The following RFX3 variants were observed in gnomAD, a reference collection of about 807,000 sequenced individuals.
RFX3 encodes the protein regulatory factor X3.
In RFX3, 14 loss-of-function variants were observed where a neutral mutation model predicts 98.6. The observed-to-expected ratio is 0.14, with a 90% CI of 0.09 to 0.22. The LOEUF is 0.22. Among genes scored for constraint, RFX3 ranks in the 10% least tolerant of loss-of-function variants. The pLI is 1.00. For missense variants in RFX3, 639 were observed against 926.9 expected, an observed-to-expected ratio of 0.69 and a Z score of 4.03; for synonymous variants, 383 against 328.4, an observed-to-expected ratio of 1.17 and a Z score of -1.80.
intron 2 of RFX3, among the ~76,000 whole-genome samples, chr9:3,369,380 C>A (rs1257175433): frequency 6.6e-6 from 1 of 152,174 alleles, no homozygotes; most frequent in African/African-American, 2.4e-5. Context: ...AGGACTCCAT[C>A]CTCATAACCT....
chr9:3,276,378 G>T (rs969725889), intron 8 of RFX3, among the ~76,000 whole-genome samples: 2 of 152,048 alleles, frequency 1.3e-5, no homozygotes, highest in East Asian at 3.9e-4. Flanking sequence ...ATTAATGTAA[G>T]ACATTTTGGT....
chr9:3,288,115 T>C lies in RFX3; in HGVS notation c.851+16A>G, dbSNP rs1338828667. 1.2e-6 allele frequency: 2 copies of C among 1,611,876 alleles called. No individual in the cohort carries two copies. Among genetic ancestry groups the C allele is most frequent in the Admixed American group, 1.7e-5 (1 of 59,934 alleles). On this transcript the variant is annotated intron_variant, in intron 7 of 16. Transcript: ENST00000617270. ...ATACATAGCTTGGACACATCAATGA[T>C]AACTTCAGAGTCTACCTTTGTTTCT...
chr9:3,450,469 A>G lies in RFX3; in HGVS notation c.-8-54873T>C, dbSNP rs192956072. ...TTCAATACACAAATTTGAAATGTTT[A>G]GTGATACAAAAGAAAGTACTATTCT... On this transcript the variant is annotated intron_variant, in intron 1 of 16. Transcript: ENST00000617270. Among the ~76,000 whole-genome samples, 8 of 152,272 alleles carry G rather than the reference A, an allele frequency of 5.3e-5. No individual in the cohort carries two copies. The South Asian group carries it at 6.2e-4, about 12-fold the overall frequency.
chr9:3,450,382 C>CTT (rs199778413), intron 1 of RFX3, among the ~76,000 whole-genome samples: 3 of 151,756 alleles, frequency 2.0e-5, no homozygotes, highest in African/African-American at 7.3e-5. Context: ...GTTTTTCTCT[C>CTT]TTTTTTTTGC....
intron 2 of RFX3, among the ~76,000 whole-genome samples, chr9:3,378,660 G>C (rs751516431): frequency 6.7e-6 from 1 of 150,056 alleles, no homozygotes; most frequent in African/African-American, 2.5e-5. Context: ...GGGTTCAAGC[G>C]ATTCTCCTGC....
At chr9:3,395,668 T>A in intron 1 of RFX3, 72 bp from the exon 2 acceptor site, 1 of 1,529,184 alleles carries the variant, frequency 6.5e-7, no homozygotes. Flanking sequence ...ACAATTGTTC[T>A]TAAAATCCTA....
At chr9:3,500,718 C>G (rs1238286772) in intron 1 of RFX3, among the ~76,000 whole-genome samples, 1 of 152,086 alleles carries the variant, frequency 6.6e-6, no homozygotes, top group East Asian at 1.9e-4. Flanking sequence ...AACACACGCA[C>G]TACACATACA....
chr9:3,482,843 C>T (rs928387407), intron 1 of RFX3, among the ~76,000 whole-genome samples: 3 of 151,838 alleles, frequency 2.0e-5, no homozygotes, highest in Non-Finnish European at 4.4e-5. Context: ...GCCTAGAGAC[C>T]TTGATTCTGT....
chr9:3,437,601 G>A (rs1412566015), intron 1 of RFX3, among the ~76,000 whole-genome samples: 1 of 152,048 alleles, frequency 6.6e-6, no homozygotes, highest in African/African-American at 2.4e-5. Context: ...CTAGGCCAGG[G>A]TTCATAAAGC....
intron 1 of RFX3, among the ~76,000 whole-genome samples, chr9:3,507,943 G>A (rs1347498430): frequency 4.0e-5 from 6 of 151,770 alleles, no homozygotes; most frequent in African/African-American, 1.5e-4. Context: ...GTTTGAAAAT[G>A]GACATGAGAC....
At chr9:3,291,222 G>C (rs768667530) in intron 6 of RFX3, among the ~76,000 whole-genome samples, 13 of 151,894 alleles carry the variant, frequency 8.6e-5, no homozygotes, top group Non-Finnish European at 1.3e-4. Context: ...AAAATTATCT[G>C]GGCGTGGTGG....
chr9:3,301,455 A>G lies in RFX3; in HGVS notation c.549+91T>C, dbSNP rs183515435. ...GAAGGGAAGGTTAAGAAGCAAAATA[A>G]ATAAGTAAATAAATAAAACAAGCAT... On this transcript the variant is annotated intron_variant, in intron 5 of 16. Transcript: ENST00000617270. 57 of 872,568 alleles carry G rather than the reference A, an allele frequency of 6.5e-5. No individual in the cohort carries two copies. The East Asian group carries it at 1.1e-3, about 17-fold the overall frequency. The allele number at this position is 872,568 out of a possible 1,614,324, so 54.1% of individuals were successfully genotyped here. A position where few individuals can be genotyped will look rare whatever the true frequency, so the allele number is the denominator to read the frequency against.
chr9:3,241,495 C>A (rs1819921881), intron 15 of RFX3, among the ~76,000 whole-genome samples: 1 of 152,168 alleles, frequency 6.6e-6, no homozygotes, highest in African/African-American at 2.4e-5. Flanking sequence ...GAAAGAACCG[C>A]AGCCCTGGGC....
intron 1 of RFX3, among the ~76,000 whole-genome samples, chr9:3,433,247 C>T (rs1041040985): frequency 1.3e-5 from 2 of 152,080 alleles, no homozygotes; most frequent in Non-Finnish European, 2.9e-5. Flanking sequence ...CCTGCCTCCC[C>T]TTCTACCTCC....
intron 6 of RFX3, among the ~76,000 whole-genome samples, chr9:3,288,515 A>C (rs1826931252): frequency 6.6e-6 from 1 of 152,106 alleles, no homozygotes; most frequent in Non-Finnish European, 1.5e-5. Flanking sequence ...TTAGTCAAAC[A>C]GTCCATTTGT....
At chr9:3,477,470 T>C (rs1488966958) in intron 1 of RFX3, among the ~76,000 whole-genome samples, 1 of 152,220 alleles carries the variant, frequency 6.6e-6, no homozygotes, top group Non-Finnish European at 1.5e-5. Context: ...AATTACTGGT[T>C]GACAGTCTTT....
chr9:3,420,343 C>G (rs1843338870), intron 1 of RFX3, among the ~76,000 whole-genome samples: 1 of 152,096 alleles, frequency 6.6e-6, no homozygotes. Flanking sequence ...CACAGAAGCC[C>G]AGAGCAACAT....
At chr9:3,480,208 T>C (rs1849619341) in intron 1 of RFX3, among the ~76,000 whole-genome samples, 1 of 152,224 alleles carries the variant, frequency 6.6e-6, no homozygotes, top group South Asian at 2.1e-4. Flanking sequence ...TGGTCATTCA[T>C]ACTACTGCTT....
At chr9:3,428,149 C>T (rs1007314410) in intron 1 of RFX3, among the ~76,000 whole-genome samples, 5 of 152,078 alleles carry the variant, frequency 3.3e-5, no homozygotes, top group Non-Finnish European at 5.9e-5. Context: ...CTGTTTATGG[C>T]AGAAGAATCA....
Sources: allele counts gnomAD v4.1 joint callset (sites outside exome capture counted in the v4.1 genomes callset), GRCh38; gene constraint gnomAD v4.1.1; transcripts MANE v1.5; gene names NCBI Gene and HGNC (gene_info 2026-07-23, HGNC 2026-07-21).